Variants in DNAJC6 observed in about 807,000 individuals in gnomAD.
DNAJC6 encodes the protein DnaJ heat shock protein family (Hsp40) member C6, also known as auxilin.
DNAJC6 carries 34 observed loss-of-function variants against 110.0 expected under a neutral mutation model. The ratio of observed to expected loss-of-function variants is 0.31; its 90% confidence interval spans 0.24 to 0.41. DNAJC6 has a LOEUF of 0.41. Ranked by LOEUF, DNAJC6 falls within the 10% of genes least tolerant of loss-of-function variation. DNAJC6 has a pLI of 1.00. For synonymous variants in DNAJC6, 406 were observed against 437.2 expected (o/e 0.93, Z 0.89); for missense variants, 1,031 against 1,207.8 (o/e 0.85, Z 2.17).
intron 1 of DNAJC6, among the ~76,000 whole-genome samples, chr1:65,356,585 TAAAATAAAATA>T (rs1557538920): frequency 6.9e-6 from 1 of 145,926 alleles, no homozygotes; most frequent in African/African-American, 2.6e-5. Context: ...AATAAATAAA[TAAAATAAAATA>T]AAATAAAATA....
intron 1 of DNAJC6, among the ~76,000 whole-genome samples, chr1:65,334,832 T>A (rs1000130636): frequency 6.6e-6 from 1 of 152,188 alleles, no homozygotes; most frequent in African/African-American, 2.4e-5. Context: ...TCCCATGCTG[T>A]AAAATGATGG....
chr1:65,333,398 T>A (rs1268670775), intron 1 of DNAJC6, among the ~76,000 whole-genome samples: 1 of 152,156 alleles, frequency 6.6e-6, no homozygotes, highest in Non-Finnish European at 1.5e-5. Flanking sequence ...CACTGCTTTA[T>A]TTTTAGTTTA....
rs1645319575 is a variant in DNAJC6, at chr1:65,334,758, A to T, written c.193+24820A>T. Among the ~76,000 whole-genome samples the T allele has an allele frequency of 1.3e-5, 2 of 152,162 alleles. 1 individual carries two copies. The highest frequency in any genetic ancestry group is 4.1e-4 in the South Asian group (2 of 4,824). Reference sequence around the variant, plus strand: ...TTGGATTTGGGTTTTGCCTATAGGAACAGTGGGAGGAAACAAGGTGACTCT... The same window carrying T: ...TTGGATTTGGGTTTTGCCTATAGGATCAGTGGGAGGAAACAAGGTGACTCT... On this transcript the variant is annotated intron_variant, in intron 1 of 18. Coordinates refer to ENST00000371069, the MANE Select transcript of DNAJC6 (RefSeq NM_001256864.2).
At chr1:65,342,589 A>G (rs1341867349) in intron 1 of DNAJC6, among the ~76,000 whole-genome samples, 3 of 152,194 alleles carry the variant, frequency 2.0e-5, no homozygotes, top group African/African-American at 4.8e-5. Flanking sequence ...TTGTTACAGC[A>G]GCCCAAATGG....
chr1:65,358,736 C>T (rs963538547), intron 1 of DNAJC6, among the ~76,000 whole-genome samples: 26 of 152,224 alleles, frequency 1.7e-4, no homozygotes, highest in African/African-American at 5.8e-4. Context: ...AACCATATGG[C>T]GTTATTAGAG....
chr1:65,385,672 A>G (rs371480371), intron 6 of DNAJC6, 40 bp from the exon 7 acceptor site: 535 of 1,434,124 alleles, frequency 3.7e-4, no homozygotes, highest in Non-Finnish European at 4.5e-4. Context: ...GCTTCTCCTG[A>G]TGTGATGGGC....
intron 1 of DNAJC6, among the ~76,000 whole-genome samples, chr1:65,316,382 G>T (rs947688653): frequency 6.6e-6 from 1 of 152,022 alleles, no homozygotes; most frequent in Non-Finnish European, 1.5e-5. Flanking sequence ...TTCCTTAATC[G>T]CAGGCTGCAT....
intron 1 of DNAJC6, among the ~76,000 whole-genome samples, chr1:65,352,724 C>A (rs896020115): frequency 1.3e-5 from 2 of 152,186 alleles, no homozygotes; most frequent in Non-Finnish European, 1.5e-5. Context: ...GTAATTTGAT[C>A]TTTCTCTCAG....
Position 65,401,842 on chromosome 1 carries a change from C to T in DNAJC6, c.2189C>T (p.Pro730Leu). ...SHGTPTHQSK[P>L]QTLDPFADLG... ...GGTACTCCCACCCATCAAAGCAAAC[C>T]CCAGACTCTGGATCCTTTTGCCGAC... Residue 730 changes from proline to leucine, a missense_variant, in exon 15 of 19, where the codon CCC becomes CTC. Coordinates refer to ENST00000371069, the MANE Select transcript of DNAJC6 (RefSeq NM_001256864.2). The T allele has an allele frequency of 6.2e-7, 1 of 1,613,726 alleles. No homozygotes were observed. Among genetic ancestry groups the T allele is most frequent in the Non-Finnish European group, 8.5e-7 (1 of 1,179,928 alleles).
chr1:65,352,599 A>G (rs1292962983), intron 1 of DNAJC6, among the ~76,000 whole-genome samples: 4 of 152,240 alleles, frequency 2.6e-5, no homozygotes, highest in Admixed American at 2.0e-4. Context: ...CCACTTTGGT[A>G]TATGTGTAGC....
chr1:65,324,080 A>G (rs1645219776), intron 1 of DNAJC6, among the ~76,000 whole-genome samples: 1 of 152,208 alleles, frequency 6.6e-6, no homozygotes, highest in Admixed American at 6.5e-5. Flanking sequence ...GGTTTCTTCA[A>G]GGTGGAGAAT....
chr1:65,322,570 G>A (rs1424240631), intron 1 of DNAJC6, among the ~76,000 whole-genome samples: 1 of 151,966 alleles, frequency 6.6e-6, no homozygotes, highest in Admixed American at 6.6e-5. Flanking sequence ...AAATATCTTT[G>A]AGCATATATT....
intron 1 of DNAJC6, among the ~76,000 whole-genome samples, chr1:65,326,961 C>G (rs1645247167): frequency 6.6e-6 from 1 of 152,106 alleles, no homozygotes; most frequent in Non-Finnish European, 1.5e-5. Context: ...ATGGCAAAGC[C>G]CTACTCAAAG....
intron 2 of DNAJC6, among the ~76,000 whole-genome samples, chr1:65,365,221 A>G (rs1016176873): frequency 1.3e-5 from 2 of 152,076 alleles, no homozygotes; most frequent in Admixed American, 6.6e-5. Flanking sequence ...ATCAAATCAG[A>G]ACTTTGTTTT....
At chr1:65,307,662 C>T (rs1645057349), upstream of DNAJC6, among the ~76,000 whole-genome samples, 1 of 151,920 alleles carries the variant, frequency 6.6e-6, no homozygotes, top group Non-Finnish European at 1.5e-5. Flanking sequence ...CCCTGTGTGT[C>T]TGTAATGAAT....
chr1:65,294,129 C>T (rs2101241868), intron 1 of DNAJC6, among the ~76,000 whole-genome samples: 1 of 152,310 alleles, frequency 6.6e-6, no homozygotes, highest in Non-Finnish European at 1.5e-5. Context: ...ATGGTTAAGA[C>T]ATATCAGCAA....
intron 1 of DNAJC6, among the ~76,000 whole-genome samples, chr1:65,268,504 A>G (rs1361479116): frequency 1.3e-5 from 2 of 152,232 alleles, no homozygotes; most frequent in Non-Finnish European, 2.9e-5. Context: ...GGTGCTTTAC[A>G]TATTGTCACA....
intron 1 of DNAJC6, among the ~76,000 whole-genome samples, chr1:65,345,127 C>T (rs1645425380): frequency 6.6e-6 from 1 of 152,062 alleles, no homozygotes; most frequent in African/African-American, 2.4e-5. Flanking sequence ...TAGGCCTTCT[C>T]TCTGTATAAG....
rs544053474 is a variant in DNAJC6 at position 65,399,000 on chromosome 1, T to C, written c.2107+119T>C. 1.0e-5 allele frequency: 10 copies of C among 988,296 alleles called. No individual in the cohort carries two copies. The South Asian group carries it at 1.0e-4, about 10-fold the overall frequency. The allele number at this position is 988,296 out of a possible 1,614,324, so 61.2% of individuals were successfully genotyped here. A position where few individuals can be genotyped will look rare whatever the true frequency, so the allele number is the denominator to read the frequency against. ...TACCTGTGTAATTTGTGTCACTTTT[T>C]CCTAAAGATTCATATTCTAGAAGAG... On this transcript the variant is annotated intron_variant, in intron 14 of 18. Coordinates refer to ENST00000371069, the MANE Select transcript of DNAJC6 (RefSeq NM_001256864.2).
Sources: gnomAD v4.1 joint callset for allele counts (sites outside exome capture counted in the v4.1 genomes callset) on GRCh38, gnomAD v4.1.1 for gene constraint, MANE v1.5 for transcripts, NCBI Gene and HGNC (gene_info 2026-07-23, HGNC 2026-07-21) for gene names.